SGK1: variants seen among roughly 807,000 people sequenced by gnomAD.
SGK1 encodes serine/threonine-protein kinase Sgk1.
A neutral mutation model predicts 64.2 loss-of-function variants in SGK1; 26 were observed. That is an observed-to-expected ratio of 0.40 (90% CI 0.30 to 0.56). The LOEUF is 0.56. Ranked by LOEUF, SGK1 falls within the 20% of genes least tolerant of loss-of-function variation. The pLI is 0.38. For missense variants in SGK1, 519 were observed against 645.6 expected (o/e 0.80, Z 2.12); for synonymous variants, 265 against 239.7 (o/e 1.11, Z -0.98).
intron 2 of SGK1, among the ~76,000 whole-genome samples, chr6:134,208,468 G>A (rs931672393): frequency 1.3e-5 from 2 of 151,754 alleles, no homozygotes; most frequent in African/African-American, 4.8e-5. Flanking sequence ...CGAGATTTTG[G>A]TGCACCCAAC....
chr6:134,225,828 T>G (rs2114707158), intron 2 of SGK1, among the ~76,000 whole-genome samples: 1 of 152,054 alleles, frequency 6.6e-6, no homozygotes, highest in East Asian at 1.9e-4. Context: ...ATCCCAGTAC[T>G]TTGGGAGGCT....
rs767295240 is a variant in SGK1 at position 134,170,924 on chromosome 6, A to G, written c.1324-9T>C. The G allele has an allele frequency of 3.7e-6, 6 of 1,608,870 alleles. No individual in the cohort carries two copies. The highest frequency in any genetic ancestry group is 5.1e-6 in the Non-Finnish European group (6 of 1,175,328). On this transcript the variant is annotated splice_polypyrimidine_tract_variant and intron_variant, in intron 12 of 13. Coordinates refer to ENST00000367858, the MANE Select transcript of SGK1 (RefSeq NM_001143676.3). ...TGACTCTTAATCTCCATCTGTTGAT[A>G]AGAAACCCAAGATTAATTTAGACAG...
chr6:134,290,837 G>A (rs937329124), intron 1 of SGK1, among the ~76,000 whole-genome samples: 1 of 152,150 alleles, frequency 6.6e-6, no homozygotes, highest in Non-Finnish European at 1.5e-5. Context: ...CCCACCCAGG[G>A]CTTTACATGT....
intron 1 of SGK1, among the ~76,000 whole-genome samples, chr6:134,296,828 G>T (rs1777356741): frequency 6.7e-6 from 1 of 149,980 alleles, no homozygotes; most frequent in South Asian, 2.1e-4. Flanking sequence ...CTGGAGGCAT[G>T]GGCAAGGGGG....
chr6:134,267,577 G>A (rs1393609514), intron 1 of SGK1, among the ~76,000 whole-genome samples: 1 of 152,032 alleles, frequency 6.6e-6, no homozygotes, highest in African/African-American at 2.4e-5. Flanking sequence ...ACAGACATGA[G>A]CCATTACACC....
intron 2 of SGK1, chr6:134,261,691 T>C (rs1776768343): frequency 1.7e-6 from 1 of 604,638 alleles, no homozygotes; most frequent in South Asian, 2.1e-5. Flanking sequence ...CAAGCGTATA[T>C]GGGTAATCTC....
At chr6:134,171,358 T>TTGTGTG (rs113274174) in intron 11 of SGK1, 180 bp from the exon 12 acceptor site, 14 of 623,194 alleles carry the variant, frequency 2.2e-5, no homozygotes, top group African/African-American at 7.4e-5. Flanking sequence ...GTGTGTGTGT[T>TTGTGTG]TGTGTGTGTG....
chr6:134,185,088 A>G (rs1251203547), intron 3 of SGK1, among the ~76,000 whole-genome samples: 1 of 152,244 alleles, frequency 6.6e-6, no homozygotes, highest in Admixed American at 6.5e-5. Flanking sequence ...AATGGTTTGC[A>G]TTAAACCCCC....
chr6:134,210,626 C>T (rs1470836724), intron 2 of SGK1, among the ~76,000 whole-genome samples: 1 of 151,482 alleles, frequency 6.6e-6, no homozygotes, highest in African/African-American at 2.4e-5. Flanking sequence ...GAGTTCGAGA[C>T]CAGCCTGGCA....
intron 3 of SGK1, among the ~76,000 whole-genome samples, chr6:134,192,672 C>T (rs376018404): frequency 6.6e-5 from 10 of 150,520 alleles, no homozygotes; most frequent in Non-Finnish European, 1.5e-5. Context: ...CGGGTTCAAG[C>T]GATTCCCCCA....
chr6:134,213,055 T>C (rs1198540844), intron 2 of SGK1, among the ~76,000 whole-genome samples: 1 of 152,220 alleles, frequency 6.6e-6, no homozygotes, highest in Admixed American at 6.5e-5. Flanking sequence ...CCATTCTTTA[T>C]GGTTCTCAAG....
intron 3 of SGK1, 94 bp from the exon 4 acceptor site, chr6:134,174,680 T>A (rs750322264): frequency 2.7e-5 from 43 of 1,613,210 alleles, no homozygotes; most frequent in Non-Finnish European, 3.2e-5. Flanking sequence ...TTTCAAAAAA[T>A]TTCCACTTTG....
At chr6:134,256,335 T>A (rs955282677) in intron 2 of SGK1, among the ~76,000 whole-genome samples, 1 of 152,192 alleles carries the variant, frequency 6.6e-6, no homozygotes, top group Non-Finnish European at 1.5e-5. Flanking sequence ...ATACTTTGTC[T>A]TCTAGCACAA....
intron 2 of SGK1, among the ~76,000 whole-genome samples, chr6:134,212,068 G>GT (rs1426634760): frequency 4.5e-4 from 10 of 22,222 alleles, no homozygotes; most frequent in Middle Eastern, 0.042. Context: ...TGTTTTTTTT[G>GT]GGGGGGACGG....
At chr6:134,220,083 AAAAAGAAAAG>A (rs1333325961) in intron 2 of SGK1, among the ~76,000 whole-genome samples, 5 of 131,650 alleles carry the variant, frequency 3.8e-5, no homozygotes, top group Admixed American at 8.9e-5. Flanking sequence ...AAAAAAAAAA[AAAAAGAAAAG>A]AAAAGAAAAG....
chr6:134,284,977 G>A (rs1055562105), intron 1 of SGK1, among the ~76,000 whole-genome samples: 3 of 152,134 alleles, frequency 2.0e-5, no homozygotes, highest in Non-Finnish European at 4.4e-5. Flanking sequence ...TTACAATTGC[G>A]AATTGTGCTG....
chr6:134,175,674 G>T, intron 3 of SGK1: 9 of 1,484,134 alleles, frequency 6.1e-6, no homozygotes, highest in Non-Finnish European at 8.1e-6. Context: ...GCAGCGGGCG[G>T]CGGGGCGCGC....
intron 1 of SGK1, among the ~76,000 whole-genome samples, chr6:134,293,168 G>C (rs968491209): frequency 1.3e-5 from 2 of 152,166 alleles, no homozygotes; most frequent in Admixed American, 1.3e-4. Context: ...TAATTTGCCA[G>C]TTTCTAATAA....
chr6:134,315,303 C>T (rs977300895), intron 1 of SGK1, among the ~76,000 whole-genome samples: 10 of 152,126 alleles, frequency 6.6e-5, no homozygotes, highest in East Asian at 1.9e-4. Context: ...GTAAGGAGAG[C>T]GCAGGGGCAG....
Sources: gnomAD v4.1 joint callset for allele counts (sites outside exome capture counted in the v4.1 genomes callset) on GRCh38, gnomAD v4.1.1 for gene constraint, MANE v1.5 for transcripts, NCBI Gene and HGNC (gene_info 2026-07-23, HGNC 2026-07-21) for gene names.